The following TENM1 variants were observed in gnomAD, a reference collection of about 807,000 sequenced individuals.
The protein encoded by TENM1 is teneurin transmembrane protein 1.
Under a neutral mutation model 174.8 loss-of-function variants are expected in TENM1, and 35 were observed. That is an observed-to-expected ratio of 0.20 (90% CI 0.15 to 0.27). TENM1 has a LOEUF of 0.27. TENM1 is among the 10% of genes least tolerant of loss of function. The pLI is 1.00. For missense variants in TENM1, 1,633 were observed against 2,130.1 expected, an observed-to-expected ratio of 0.77 and a Z score of 4.59; for synonymous variants, 781 against 798.7, an observed-to-expected ratio of 0.98 and a Z score of 0.37.
At chrX:124,790,138 C>T (rs988700569) in intron 3 of TENM1, among the ~76,000 whole-genome samples, 2 of 111,438 alleles carry the variant, frequency 1.8e-5, no homozygotes, top group African/African-American at 6.5e-5. Context: ...TCATGAGACC[C>T]ATGCACTATC....
intron 3 of TENM1, among the ~76,000 whole-genome samples, chrX:124,828,950 A>G (rs1333229307): frequency 8.9e-6 from 1 of 112,355 alleles, no homozygotes; most frequent in Non-Finnish European, 1.9e-5. Context: ...GACTTGAATT[A>G]ATAACAAGTG....
In TENM1 at chrX:124,453,398, C is replaced by A. The variant is rs758849801; in HGVS notation, c.4043G>T (p.Gly1348Val). 28 of 1,208,714 alleles carry A rather than the reference C, an allele frequency of 2.3e-5. No homozygotes were observed. In the Admixed American group the frequency reaches 6.1e-4, roughly 26 times the overall value. The change falls in exon 23 of 32, where the codon GGC becomes GTC. Residue 1348 changes from glycine to valine, a missense_variant. Around this residue, in one of 4 missense-constraint regions of TENM1, gnomAD observed 807 missense variants for 1,125.3 expected, o/e 0.72. Coordinates refer to ENST00000422452, the Ensembl canonical transcript of TENM1. ...TTGTGTGGAAGTCAGACCATTTGAG[C>A]CGATTACAGTTGTGATCACAGCATT...
chrX:124,890,063 TATC>T (rs2057449742), intron 3 of TENM1, among the ~76,000 whole-genome samples: 1 of 112,079 alleles, frequency 8.9e-6, no homozygotes, highest in African/African-American at 3.2e-5. Context: ...TGAACAGAAA[TATC>T]ATTATCATCA....
At chrX:124,562,039 A>G (rs1886737957) in intron 13 of TENM1, among the ~76,000 whole-genome samples, 1 of 112,141 alleles carries the variant, frequency 8.9e-6, no homozygotes, top group South Asian at 3.7e-4. Context: ...AGCTTTATTA[A>G]TGCTAACCCC....
intron 8 of TENM1, among the ~76,000 whole-genome samples, chrX:124,649,769 GATCA>G (rs1468845861): frequency 1.8e-5 from 2 of 112,181 alleles, no homozygotes; most frequent in South Asian, 3.7e-4. Flanking sequence ...ATATAGTTGA[GATCA>G]ATCAACTGAT....
Position 124,777,928 on chromosome X carries a change from G to T in TENM1, c.536-40731C>A, listed in dbSNP as rs1353726123. 2.7e-5 allele frequency among the ~76,000 whole-genome samples: 3 copies of T among 112,624 alleles called. No individual in the cohort carries two copies. In the Admixed American group the frequency reaches 2.8e-4, roughly 11 times the overall value. On this transcript the variant is annotated intron_variant, in intron 3 of 31. Coordinates refer to ENST00000422452, the Ensembl canonical transcript of TENM1. ...ACTCTACCAGTTTAGCACCAAAGCA[G>T]CCACAGACAATGTGTAAATGAATGA...
At chrX:124,671,747 G>A (rs199896400) in exon 6 of TENM1, 51 of 1,207,594 alleles carry the variant, frequency 4.2e-5, no homozygotes, top group South Asian at 3.2e-4. Flanking sequence ...CCATGGACTC[G>A]GTCCCCCTGT....
At position 124,819,556 on chromosome X, in the gene TENM1, A is replaced by T. The variant is rs151108228; in HGVS notation, c.535+74740T>A. Among the ~76,000 whole-genome samples, 103 of 110,703 alleles carry T rather than the reference A, an allele frequency of 9.3e-4. 1 individual carries two copies. The highest frequency in any genetic ancestry group is 3.3e-3 in the African/African-American group (100 of 30,449). On this transcript the variant is annotated intron_variant, in intron 3 of 31. Coordinates refer to ENST00000422452, the Ensembl canonical transcript of TENM1. ...TCTTTACTACAAAATTGTGCAAATCAAACTTTACCAATAGTGGCTCTTCCT... is the reference window on the plus strand; with the variant it reads ...TCTTTACTACAAAATTGTGCAAATCTAACTTTACCAATAGTGGCTCTTCCT...
chrX:125,116,266 C>G, the TENM1 span, among the ~76,000 whole-genome samples: 3 of 112,102 alleles, frequency 2.7e-5, no homozygotes, highest in Non-Finnish European at 5.6e-5. Flanking sequence ...AAACGTAAAA[C>G]CTAAACCCAT....
intron 18 of TENM1, among the ~76,000 whole-genome samples, chrX:124,506,309 A>G (rs1215702160): frequency 9.0e-6 from 1 of 111,514 alleles, no homozygotes; most frequent in African/African-American, 3.3e-5. Context: ...CCAACTCTGC[A>G]GCAGGAAATG....
intron 11 of TENM1, among the ~76,000 whole-genome samples, chrX:124,630,228 T>C (rs2148346338): frequency 8.9e-6 from 1 of 112,502 alleles, no homozygotes; most frequent in East Asian, 2.8e-4. Flanking sequence ...ATATCTTTCT[T>C]GGTAAAAAAG....
intron 3 of TENM1, among the ~76,000 whole-genome samples, chrX:124,756,988 G>T (rs1012054343): frequency 7.1e-5 from 8 of 112,190 alleles, no homozygotes; most frequent in African/African-American, 1.9e-4. Context: ...CAGATCTCCA[G>T]CTGCGTGCTG....
At chrX:124,970,622 T>C in the TENM1 span, among the ~76,000 whole-genome samples, 1 of 111,669 alleles carries the variant, frequency 9.0e-6, no homozygotes, top group African/African-American at 3.3e-5. Flanking sequence ...ATAAAAGCTA[T>C]AAAAGTACAA....
chrX:124,761,811 A>T (rs964250600), intron 3 of TENM1, among the ~76,000 whole-genome samples: 1 of 112,265 alleles, frequency 8.9e-6, no homozygotes, highest in Non-Finnish European at 1.9e-5. Flanking sequence ...ACCTTAATTT[A>T]AAAAATAATG....
chrX:124,941,914 G>A (rs963146534), intron 1 of TENM1, among the ~76,000 whole-genome samples: 2 of 111,715 alleles, frequency 1.8e-5, no homozygotes, highest in African/African-American at 6.5e-5. Flanking sequence ...CATGGCAGCA[G>A]GCAAAAGAGA....
At chrX:124,580,555 G>A (rs1000161198) in intron 11 of TENM1, among the ~76,000 whole-genome samples, 2 of 109,813 alleles carry the variant, frequency 1.8e-5, no homozygotes, top group Non-Finnish European at 3.8e-5. Context: ...ATAAAATAGT[G>A]GTTATGGAGT....
At chrX:124,898,123 T>C (rs1433708379) in intron 1 of TENM1, among the ~76,000 whole-genome samples, 2 of 111,749 alleles carry the variant, frequency 1.8e-5, no homozygotes, top group African/African-American at 6.5e-5. Flanking sequence ...TGCTTCAGAA[T>C]CACCTAGAAG....
chrX:125,161,202 C>T, the TENM1 span, among the ~76,000 whole-genome samples: 1 of 110,988 alleles, frequency 9.0e-6, no homozygotes, highest in South Asian at 3.8e-4. Flanking sequence ...TGAGCATTCT[C>T]AAGTCACTTA....
intron 23 of TENM1, among the ~76,000 whole-genome samples, chrX:124,445,656 G>A (rs1270313496): frequency 8.9e-6 from 1 of 112,350 alleles, no homozygotes; most frequent in Admixed American, 9.4e-5. Context: ...ACCTCAAAGT[G>A]TGTACCTTAT....
Sources: gnomAD v4.1 joint callset for allele counts (sites outside exome capture counted in the v4.1 genomes callset) on GRCh38, gnomAD v4.1.1 for gene constraint, gnomAD v4.1.1 regional missense constraint, MANE v1.5 for transcripts, NCBI Gene and HGNC (gene_info 2026-07-23, HGNC 2026-07-21) for gene names.